Variants in SORL1 observed in about 807,000 individuals in gnomAD.
The protein encoded by SORL1 is sortilin related receptor 1, also known as sortilin-related receptor.
Under a neutral mutation model 273.7 loss-of-function variants are expected in SORL1, and 127 were observed. That is an observed-to-expected ratio of 0.46 (90% CI 0.40 to 0.54). The LOEUF is 0.54. SORL1 is among the 20% of genes least tolerant of loss of function. SORL1 has a pLI of 0.00. For missense variants in SORL1, 2,494 were observed against 2,846.1 expected (o/e 0.88, Z 2.81); for synonymous variants, 1,031 against 1,067.4 (o/e 0.97, Z 0.66).
In SORL1 at chr11:121,559,642, A is replaced by G; in HGVS notation, c.3034A>G (p.Lys1012Glu). 6 of 1,614,130 alleles carry G rather than the reference A, an allele frequency of 3.7e-6. 1 individual carries two copies. In the Middle Eastern group the frequency reaches 6.6e-4, roughly 178 times the overall value. ...GCTCATGGACATGAAGATTTTCTAC[A>G]AGGGGAAGAACACTGGTAAGCCAGA... Reference protein sequence around the residue: ...TGLMDMKIFYKGKNTGSNACV... With the variant: ...TGLMDMKIFYEGKNTGSNACV... The change falls in exon 21 of 48, where the codon AAG becomes GAG. Residue 1012 changes from lysine to glutamate, a missense_variant. Coordinates refer to ENST00000260197, the MANE Select transcript of SORL1 (RefSeq NM_003105.6).
At chr11:121,583,616 C>T (rs570175294) in intron 26 of SORL1, 33 bp downstream of exon 26, 2 of 1,580,864 alleles carry the variant, frequency 1.3e-6, no homozygotes, top group Admixed American at 1.8e-5. Flanking sequence ...CCTCCCTGAG[C>T]CTCCCCAGTG....
chr11:121,523,115 C>T (rs1862065907), intron 11 of SORL1, 126 bp downstream of exon 11: 1 of 678,356 alleles, frequency 1.5e-6, no homozygotes, highest in Non-Finnish European at 2.7e-6. Flanking sequence ...CCAGATATGA[C>T]TATAAAGTAA....
At chr11:121,500,396 G>A (rs1858828830) in intron 6 of SORL1, among the ~76,000 whole-genome samples, 1 of 152,212 alleles carries the variant, frequency 6.6e-6, no homozygotes. Context: ...CCTTACAGAT[G>A]ATGCAGCCAC....
chr11:121,458,959 T>G (rs959311789), intron 1 of SORL1, among the ~76,000 whole-genome samples: 8 of 152,240 alleles, frequency 5.3e-5, no homozygotes, highest in African/African-American at 1.9e-4. Flanking sequence ...TACAAAGTTC[T>G]GTTATCCACT....
intron 39 of SORL1, chr11:121,611,454 T>C (rs368515175): frequency 8.7e-6 from 2 of 228,736 alleles, no homozygotes. Flanking sequence ...ACAGAATATG[T>C]ATGCCCTGTA....
chr11:121,558,451 G>A (rs2134909048), intron 19 of SORL1, 140 bp from the exon 20 acceptor site: 2 of 826,684 alleles, frequency 2.4e-6, no homozygotes, highest in Non-Finnish European at 1.9e-6. Flanking sequence ...TTCAGGTGTT[G>A]TCATTACATA....
intron 31 of SORL1, among the ~76,000 whole-genome samples, chr11:121,593,506 G>A (rs1219845293): frequency 6.6e-6 from 1 of 152,178 alleles, no homozygotes; most frequent in Non-Finnish European, 1.5e-5. Context: ...CTCTAGTCCT[G>A]CTGTGTGCCT....
rs1863279232 is a variant in SORL1 at position 121,595,497 on chromosome 11, G to A, written c.4370-126G>A. 2.4e-6 allele frequency: 2 copies of A among 848,214 alleles called. No homozygotes were observed. The highest frequency in any genetic ancestry group is 3.1e-4 in the Middle Eastern group (1 of 3,196). 52.5% of individuals were successfully genotyped at this position (848,214 alleles called of 1,614,324 possible). On this transcript the variant is annotated intron_variant, in intron 31 of 47. Transcript: ENST00000260197. The surrounding 1 kb of genome is among the most constrained non-coding windows in gnomAD (Gnocchi z 5.1). ...CTACTCTGCTCTCTATCCGGAACTC[G>A]CATTTGTCTTCAGGTTCCCATTGTA...
intron 23 of SORL1, among the ~76,000 whole-genome samples, chr11:121,571,825 G>A (rs1862848692): frequency 2.0e-5 from 3 of 152,202 alleles, no homozygotes; most frequent in Admixed American, 2.0e-4. Context: ...AGGGAGTAGA[G>A]CTTATTTGCT....
At chr11:121,569,024 T>G (rs888237349) in intron 22 of SORL1, among the ~76,000 whole-genome samples, 1 of 152,190 alleles carries the variant, frequency 6.6e-6, no homozygotes, top group Non-Finnish European at 1.5e-5. Flanking sequence ...ATTGTGAAGA[T>G]TTTATGGACA....
intron 12 of SORL1, among the ~76,000 whole-genome samples, chr11:121,543,083 C>T (rs979050302): frequency 2.0e-5 from 3 of 149,718 alleles, no homozygotes; most frequent in South Asian, 2.1e-4. Flanking sequence ...CCCAGCTACT[C>T]GGGAGGCTGA....
At chr11:121,553,896 C>A (rs747109561) in intron 16 of SORL1, 41 bp from the exon 17 acceptor site, 2 of 1,585,696 alleles carry the variant, frequency 1.3e-6, no homozygotes, top group East Asian at 2.2e-5. Context: ...TCTTCAGCAT[C>A]CCCTGGGTCC....
intron 25 of SORL1, 30 bp downstream of exon 25, chr11:121,577,430 A>G: frequency 6.4e-7 from 1 of 1,552,312 alleles, no homozygotes; most frequent in Non-Finnish European, 8.7e-7. Context: ...AGTTGACAGC[A>G]CTCATCCGTT....
rs968315585 is a variant in SORL1 at position 121,537,269 on chromosome 11, T to G, written c.1685+4717T>G. On this transcript the variant is annotated intron_variant, in intron 12 of 47. Coordinates refer to ENST00000260197, the MANE Select transcript of SORL1 (RefSeq NM_003105.6). ...GTTTGCTTTGAGGTGATAGGGTCCCTTTGAAGGATTTTAGTAGGGGAATGA... is the reference window on the plus strand; with the variant it reads ...GTTTGCTTTGAGGTGATAGGGTCCCGTTGAAGGATTTTAGTAGGGGAATGA... Among the ~76,000 whole-genome samples the G allele has an allele frequency of 2.0e-5, 3 of 152,174 alleles. No individual in the cohort carries two copies. The East Asian group carries it at 5.8e-4, about 29-fold the overall frequency.
At chr11:121,586,414 C>T in intron 27 of SORL1, 85 bp downstream of exon 27, 1 of 1,003,222 alleles carries the variant, frequency 1.0e-6, no homozygotes, top group Non-Finnish European at 1.6e-6. Flanking sequence ...CCTTTCATTT[C>T]CTCAGTACCT....
At chr11:121,473,334 T>G (rs1861202091) in intron 2 of SORL1, among the ~76,000 whole-genome samples, 1 of 152,188 alleles carries the variant, frequency 6.6e-6, no homozygotes, top group African/African-American at 2.4e-5. Context: ...CAGAAAGTCT[T>G]GCTCTCAAAC....
intron 24 of SORL1, chr11:121,576,690 T>C (rs1042963586): frequency 7.6e-6 from 10 of 1,318,882 alleles, no homozygotes; most frequent in Non-Finnish European, 1.0e-5. Flanking sequence ...CAAGCTCTGC[T>C]GGTTGGTTCT....
intron 6 of SORL1, among the ~76,000 whole-genome samples, chr11:121,507,280 T>C (rs778248224): frequency 6.6e-6 from 1 of 152,170 alleles, no homozygotes; most frequent in Non-Finnish European, 1.5e-5. Flanking sequence ...GTTTATCCTT[T>C]TAGGAATTCA....
At chr11:121,586,601 A>G (rs1863114202) in intron 27 of SORL1, among the ~76,000 whole-genome samples, 2 of 140,286 alleles carry the variant, frequency 1.4e-5, no homozygotes, top group South Asian at 4.4e-4. Context: ...TAGTTGAAAT[A>G]TGTTCTATTA....
Sources: allele counts gnomAD v4.1 joint callset (sites outside exome capture counted in the v4.1 genomes callset), GRCh38; gene constraint gnomAD v4.1.1; non-coding constraint Gnocchi (gnomAD v3.1); transcripts MANE v1.5; gene names NCBI Gene and HGNC (gene_info 2026-07-23, HGNC 2026-07-21).